Variants in RARB observed in about 807,000 individuals in gnomAD.
RARB encodes HBV-activated protein.
RARB carries 17 observed loss-of-function variants against 51.9 expected under a neutral mutation model. That is an observed-to-expected ratio of 0.33 (90% confidence interval 0.22 to 0.49). The LOEUF (loss-of-function observed/expected upper bound fraction) is 0.49. Among genes scored for constraint, RARB ranks in the 20% least tolerant of loss-of-function variants. RARB has a pLI of 0.99. For synonymous variants in RARB, 215 were observed against 195.4 expected, an observed-to-expected ratio of 1.10 and a Z score of -0.84; for missense variants, 369 against 550.8, an observed-to-expected ratio of 0.67 and a Z score of 3.30.
chr3:24,901,552 A>C (rs1703606464), intron 2 of RARB, among the ~76,000 whole-genome samples: 1 of 152,194 alleles, frequency 6.6e-6, no homozygotes, highest in African/African-American at 2.4e-5. Context: ...AGGGATTTTA[A>C]AAAATAAAAA....
chr3:25,510,973 A>G (rs1274528321), intron 3 of RARB, among the ~76,000 whole-genome samples: 2 of 152,216 alleles, frequency 1.3e-5, no homozygotes, highest in Non-Finnish European at 2.9e-5. Context: ...GCCAGGCAGT[A>G]AATATTTTAG....
At chr3:25,591,747 A>G (rs144427066) in intron 5 of RARB, among the ~76,000 whole-genome samples, 50 of 152,352 alleles carry the variant, frequency 3.3e-4, no homozygotes, top group Admixed American at 5.9e-4. Flanking sequence ...GTTTTAACCA[A>G]TAAGACACTG....
At chr3:25,090,510 T>C (rs1410110300) in intron 3 of RARB, among the ~76,000 whole-genome samples, 1 of 152,120 alleles carries the variant, frequency 6.6e-6, no homozygotes, top group Non-Finnish European at 1.5e-5. Flanking sequence ...TGTTTAAACC[T>C]AAGAACAAAT....
intron 2 of RARB, among the ~76,000 whole-genome samples, chr3:25,035,236 C>T (rs1697964488): frequency 6.6e-6 from 1 of 152,084 alleles, no homozygotes; most frequent in Non-Finnish European, 1.5e-5. Context: ...ATCCTCCCAC[C>T]TCAGCCTCCC....
intron 5 of RARB, among the ~76,000 whole-genome samples, chr3:25,216,834 A>T (rs188177638): frequency 1.3e-5 from 2 of 151,746 alleles, no homozygotes; most frequent in East Asian, 1.9e-4. Flanking sequence ...TTGCTCCTCC[A>T]TTGCAATTTA....
chr3:24,977,553 C>T (rs1696545142), intron 2 of RARB, among the ~76,000 whole-genome samples: 1 of 152,170 alleles, frequency 6.6e-6, no homozygotes, highest in African/African-American at 2.4e-5. Flanking sequence ...CATGATTTAG[C>T]TGTCTGTTGG....
intron 5 of RARB, among the ~76,000 whole-genome samples, chr3:25,232,073 T>C (rs1194347845): frequency 6.6e-6 from 1 of 152,176 alleles, no homozygotes; most frequent in African/African-American, 2.4e-5. Context: ...CATATAGATA[T>C]CAAATTTTCT....
chr3:25,171,661 A>AAAAAAAAAAAAAAAAAAAAG, intron 4 of RARB, among the ~76,000 whole-genome samples: 1 of 148,576 alleles, frequency 6.7e-6, no homozygotes, highest in Non-Finnish European at 1.5e-5. Flanking sequence ...AAAAAAAAAA[A>AAAAAAAAAAAAAAAAAAAAG]CAGCTTTAAA....
At chr3:25,004,592 T>C (rs1292387158) in intron 2 of RARB, among the ~76,000 whole-genome samples, 1 of 152,144 alleles carries the variant, frequency 6.6e-6, no homozygotes, top group Non-Finnish European at 1.5e-5. Flanking sequence ...TGGTCTCACC[T>C]CTTAATAGTG....
At chr3:24,918,955 T>C (rs965279046) in intron 2 of RARB, among the ~76,000 whole-genome samples, 6 of 152,138 alleles carry the variant, frequency 3.9e-5, no homozygotes, top group Admixed American at 2.6e-4. Context: ...TGTAGAGTTT[T>C]GTGGGTAAGA....
At chr3:25,524,706 C>G (rs918753635) in intron 3 of RARB, among the ~76,000 whole-genome samples, 2 of 147,694 alleles carry the variant, frequency 1.4e-5, no homozygotes, top group African/African-American at 5.0e-5. Context: ...CCTTTTTCCT[C>G]CCATGTTTTT....
intron 1 of RARB, chr3:25,458,438 G>A (rs1695018569): frequency 1.3e-5 from 2 of 152,210 alleles, no homozygotes; most frequent in Admixed American, 6.5e-5. Context: ...TTAATAGACA[G>A]TGATACATTG....
intron 5 of RARB, among the ~76,000 whole-genome samples, chr3:25,418,634 T>C (rs2170790): frequency 0.076 from 11,609 of 151,924 alleles, 1,299 homozygotes; most frequent in African/African-American, 0.24. Context: ...TGACACTTGT[T>C]AAAGGTGGTA....
At chr3:25,148,877 G>A (rs1306710081) in intron 4 of RARB, among the ~76,000 whole-genome samples, 1 of 152,168 alleles carries the variant, frequency 6.6e-6, no homozygotes, top group Non-Finnish European at 1.5e-5. Flanking sequence ...AAAAGGTTGT[G>A]CATGGCTTCT....
chr3:24,855,085 C>T (rs184697411), intron 1 of RARB, among the ~76,000 whole-genome samples: 6 of 152,164 alleles, frequency 3.9e-5, no homozygotes, highest in Admixed American at 1.3e-4. Context: ...ATTTGTAAGA[C>T]GGAGTGTTTT....
At chr3:25,455,804 A>G (rs939459639) in intron 1 of RARB, among the ~76,000 whole-genome samples, 4 of 152,188 alleles carry the variant, frequency 2.6e-5, no homozygotes, top group African/African-American at 9.7e-5. Flanking sequence ...TGGATGCCAC[A>G]TTGGAGGCTG....
chr3:25,477,545 A>G (rs1696013014), intron 2 of RARB, among the ~76,000 whole-genome samples: 1 of 152,250 alleles, frequency 6.6e-6, no homozygotes, highest in Non-Finnish European at 1.5e-5. Flanking sequence ...GATAAATCCT[A>G]TAATTACTAC....
At chr3:25,034,193 C>T (rs955375769) in intron 2 of RARB, among the ~76,000 whole-genome samples, 1 of 152,100 alleles carries the variant, frequency 6.6e-6, no homozygotes, top group Admixed American at 6.5e-5. Context: ...GCCTGTAATC[C>T]CGGCTACTCA....
chr3:25,557,136 T>TACACACAC (rs1436096947), intron 3 of RARB, among the ~76,000 whole-genome samples: 4 of 87,462 alleles, frequency 4.6e-5, no homozygotes, highest in African/African-American at 2.9e-4. Context: ...TGGCATTGCA[T>TACACACAC]TCACACACAC....
Sources: allele counts gnomAD v4.1 joint callset (sites outside exome capture counted in the v4.1 genomes callset), GRCh38; gene constraint gnomAD v4.1.1; transcripts MANE v1.5; gene names NCBI Gene and HGNC (gene_info 2026-07-23, HGNC 2026-07-21).